Variants in WDR59 observed in about 807,000 individuals in gnomAD.
The protein encoded by WDR59 is WD repeat domain 59, also known as GATOR2 complex protein WDR59.
Under a neutral mutation model 131.2 loss-of-function variants are expected in WDR59, and 100 were observed. The ratio of observed to expected loss-of-function variants is 0.76; its 90% CI spans 0.65 to 0.90. WDR59 has a LOEUF of 0.90. Ranked by LOEUF, WDR59 falls within the 40% of genes least tolerant of loss-of-function variation. The pLI is 0.00. For synonymous variants in WDR59, 601 were observed against 466.2 expected (o/e 1.29, Z -3.72); for missense variants, 1,203 against 1,262.2 (o/e 0.95, Z 0.71).
At chr16:74,971,420 T>G (rs1279000687) in intron 1 of WDR59, among the ~76,000 whole-genome samples, 1 of 146,662 alleles carries the variant, frequency 6.8e-6, no homozygotes, top group Non-Finnish European at 1.5e-5. Context: ...CTTCCTTCTT[T>G]CCTTCCTTTT....
At chr16:74,887,597 G>C (rs1247998809) in intron 23 of WDR59, 86 bp downstream of exon 23, 2 of 1,231,942 alleles carry the variant, frequency 1.6e-6, no homozygotes, top group Non-Finnish European at 2.3e-6. Context: ...AAAAAATATG[G>C]AGACTAAGCA....
At chr16:74,963,927 AAG>A (rs931155040) in intron 2 of WDR59, among the ~76,000 whole-genome samples, 12 of 150,588 alleles carry the variant, frequency 8.0e-5, no homozygotes, top group Admixed American at 1.3e-4. Flanking sequence ...AAAAGGGAGA[AAG>A]AGAGAGAGAG....
At chr16:74,934,478 A>G (rs1050308395) in intron 8 of WDR59, among the ~76,000 whole-genome samples, 1 of 152,330 alleles carries the variant, frequency 6.6e-6, no homozygotes, top group Admixed American at 6.5e-5. Flanking sequence ...GCAGTCTTAT[A>G]AAACGATTAT....
At position 74,942,739 on chromosome 16, in the gene WDR59, C is replaced by T. The variant is rs747270928; in HGVS notation, c.533G>A (p.Arg178Lys). 1.2e-6 allele frequency: 2 copies of T among 1,613,826 alleles called. No individual in the cohort carries two copies. The highest frequency in any genetic ancestry group is 1.7e-6 in the Non-Finnish European group (2 of 1,179,898). The part of the protein sequence containing the change: ...HDGDVRIWDK[R>K]KPSTAVEYLA... ...AGGGCGAAAAAAGAGATTACTCACC[C>T]TCTTATCCCATATCCGCACATCGCC... Residue 178 changes from arginine (R) to lysine (K), a missense_variant and splice_region_variant, in exon 7 of 26, where the codon AGG (arginine) becomes AAG (lysine). Arg to Lys is a conservative substitution (Grantham distance 26). Coordinates refer to ENST00000262144, the MANE Select transcript of WDR59 (RefSeq NM_030581.4).
intron 6 of WDR59, among the ~76,000 whole-genome samples, chr16:74,944,922 G>A (rs2032500732): frequency 6.6e-6 from 1 of 151,990 alleles, no homozygotes; most frequent in African/African-American, 2.4e-5. Context: ...TCAGGAGTTA[G>A]AGACCAGCCT....
intron 18 of WDR59, among the ~76,000 whole-genome samples, chr16:74,894,557 T>C (rs1437387178): frequency 6.6e-6 from 1 of 152,054 alleles, no homozygotes; most frequent in Non-Finnish European, 1.5e-5. Context: ...ATCTTTAAAA[T>C]GACAAACCAA....
rs2029880119 is a variant in WDR59, at chr16:74,918,955, C to T, written c.887-947G>A. On this transcript the variant is annotated intron_variant, in intron 10 of 25. Transcript: ENST00000262144. ...CCAGCCAGACAGCAACTATTCTGAA[C>T]CACGGCTTGTTACAAGTGCCACCAT... Among the ~76,000 whole-genome samples the T allele has an allele frequency of 5.3e-5, 8 of 152,200 alleles. No individual in the cohort carries two copies. In the South Asian group the frequency reaches 1.7e-3, roughly 31 times the overall value.
intron 11 of WDR59, among the ~76,000 whole-genome samples, chr16:74,916,856 C>T (rs1373240168): frequency 2.8e-5 from 2 of 70,862 alleles, no homozygotes; most frequent in African/African-American, 4.1e-5. Flanking sequence ...GAGACTCCAT[C>T]TCAAAAAAAA....
At chr16:74,975,473 G>A (rs1177282103) in intron 1 of WDR59, among the ~76,000 whole-genome samples, 3 of 151,876 alleles carry the variant, frequency 2.0e-5, no homozygotes, top group Non-Finnish European at 1.5e-5. Context: ...GACTAGCCTG[G>A]CCAACATGGT....
rs530736732 is a variant in WDR59 at position 74,936,465 on chromosome 16, T to C, written c.651+1685A>G. Among the ~76,000 whole-genome samples, 185 of 151,858 alleles carry C rather than the reference T, an allele frequency of 1.2e-3. 1 individual carries two copies. The highest frequency in any genetic ancestry group is 4.4e-3 in the African/African-American group (182 of 41,410). On this transcript the variant is annotated intron_variant, in intron 8 of 25. Coordinates refer to ENST00000262144, the MANE Select transcript of WDR59 (RefSeq NM_030581.4). Reference sequence around the variant, plus strand: ...AACTTGGGCATCTCATAGAAAGAGGTAGAGTTGAACTGGATGGCTTCTGGT... The same window carrying C: ...AACTTGGGCATCTCATAGAAAGAGGCAGAGTTGAACTGGATGGCTTCTGGT...
chr16:74,930,915 CAGAA>C (rs2031328836), intron 8 of WDR59: 2 of 82,580 alleles, frequency 2.4e-5, no homozygotes, highest in African/African-American at 4.5e-5. Flanking sequence ...AAAAAAAAAA[CAGAA>C]AAGAAAAGAA....
At chr16:74,892,238 C>T (rs1304892251) in intron 20 of WDR59, among the ~76,000 whole-genome samples, 1 of 152,018 alleles carries the variant, frequency 6.6e-6, no homozygotes, top group Non-Finnish European at 1.5e-5. Context: ...GATACTGGAA[C>T]AGAAAAGAGA....
At chr16:74,883,841 G>A (rs977246516) in intron 25 of WDR59, among the ~76,000 whole-genome samples, 2 of 152,104 alleles carry the variant, frequency 1.3e-5, no homozygotes, top group African/African-American at 4.8e-5. Context: ...ACATGCTGGG[G>A]ATCCCCAAAT....
At chr16:74,882,669 C>T (rs527905756) in intron 25 of WDR59, among the ~76,000 whole-genome samples, 3 of 151,668 alleles carry the variant, frequency 2.0e-5, no homozygotes, top group Non-Finnish European at 2.9e-5. Flanking sequence ...ATACAAGTGG[C>T]GTGGTGGCGG....
At chr16:74,932,836 A>C (rs2031507018) in intron 8 of WDR59, among the ~76,000 whole-genome samples, 1 of 152,176 alleles carries the variant, frequency 6.6e-6, no homozygotes, top group Admixed American at 6.6e-5. Flanking sequence ...GGATTTACAA[A>C]TACCTTTCGA....
chr16:74,984,964 C>A lies in WDR59; in HGVS notation c.54G>T (p.Gln18His). ...ENVVVEFRDS[Q>H]ATAMSVDCLG... ...GGGCTCCACTCGGCCTCTAGCTCAC[C>A]TGGGAGTCACGGAACTCTACAACCA... Residue 18 changes from glutamine (Q) to histidine (H), a missense_variant and splice_region_variant, in exon 1 of 26, where the codon CAG becomes CAT. Transcript: ENST00000262144. 6.2e-7 allele frequency: 1 copy of A among 1,604,170 alleles called. No individual in the cohort carries two copies. Among genetic ancestry groups the A allele is most frequent in the Admixed American group, 1.7e-5 (1 of 58,678 alleles).
At chr16:74,915,815 C>G in intron 13 of WDR59, 55 bp downstream of exon 13, 2 of 1,609,870 alleles carry the variant, frequency 1.2e-6, no homozygotes, top group African/African-American at 1.3e-5. Flanking sequence ...AAATGGTTCC[C>G]TCTCCCACAA....
chr16:74,971,232 G>A (rs773542599), intron 1 of WDR59, among the ~76,000 whole-genome samples: 5 of 151,656 alleles, frequency 3.3e-5, no homozygotes, highest in Non-Finnish European at 5.9e-5. Flanking sequence ...CATTCGTTTC[G>A]TTAATACCTC....
intron 1 of WDR59, among the ~76,000 whole-genome samples, chr16:74,976,711 G>C (rs764311137): frequency 2.9e-4 from 44 of 152,258 alleles, no homozygotes; most frequent in Non-Finnish European, 4.4e-4. Context: ...AAAGTGCTGG[G>C]ATTACAGGTG....
Sources: allele counts gnomAD v4.1 joint callset (sites outside exome capture counted in the v4.1 genomes callset), GRCh38; gene constraint gnomAD v4.1.1; transcripts MANE v1.5; gene names NCBI Gene and HGNC (gene_info 2026-07-23, HGNC 2026-07-21).